Variants in DCUN1D3 observed in about 807,000 individuals in gnomAD.
DCUN1D3 encodes DCN1-like protein 3.
Under a neutral mutation model 24.8 loss-of-function variants are expected in DCUN1D3, and 6 were observed. The ratio of observed to expected loss-of-function variants is 0.24; its 90% CI spans 0.13 to 0.48. DCUN1D3 has a LOEUF of 0.48. Among genes scored for constraint, DCUN1D3 ranks in the 20% least tolerant of loss-of-function variants. The pLI is 0.99. For missense variants in DCUN1D3, 258 were observed against 379.4 expected, an observed-to-expected ratio of 0.68 and a Z score of 2.66; for synonymous variants, 120 against 144.9, an observed-to-expected ratio of 0.83 and a Z score of 1.24.
intron 1 of DCUN1D3, among the ~76,000 whole-genome samples, chr16:20,874,751 A>G (rs563388520): frequency 1.3e-5 from 2 of 152,296 alleles, no homozygotes; most frequent in South Asian, 4.1e-4. Context: ...GGAAATGCTC[A>G]TGTTTGCACA....
At chr16:20,866,462 CA>C (rs2081762725) in intron 1 of DCUN1D3, among the ~76,000 whole-genome samples, 1 of 152,134 alleles carries the variant, frequency 6.6e-6, no homozygotes, top group Admixed American at 6.5e-5. Context: ...CCCCACTGGA[CA>C]GATGCTTCAT....
chr16:20,864,821 C>T (rs2081753117), intron 1 of DCUN1D3, among the ~76,000 whole-genome samples: 1 of 152,016 alleles, frequency 6.6e-6, no homozygotes, highest in African/African-American at 2.4e-5. Flanking sequence ...TAAAAAAGAA[C>T]GAGATCATGT....
intron 1 of DCUN1D3, among the ~76,000 whole-genome samples, chr16:20,884,394 C>G (rs1281639739): frequency 6.6e-6 from 1 of 152,164 alleles, no homozygotes; most frequent in Non-Finnish European, 1.5e-5. Context: ...GGGTGAATGT[C>G]ACAACTCGGC....
In DCUN1D3 at chr16:20,855,383, T is replaced by G. The variant is rs1263230173; in HGVS notation, c.*4503A>C. 1 of 152,234 alleles carries G rather than the reference T, an allele frequency of 6.6e-6. No homozygotes were observed. Among genetic ancestry groups the G allele is most frequent in the African/African-American group, 2.4e-5 (1 of 41,430 alleles). The allele number at this position is 152,234 out of a possible 1,614,324, so 9.4% of individuals were successfully genotyped here. On this transcript the variant is annotated 3_prime_UTR_variant, in exon 3 of 3. Transcript: ENST00000324344. ...ACTTCTCCCAGAGCAAATGTATGCATGTCAGGGGGATGAAAAACCCCAGCA... is the reference window on the plus strand; with the variant it reads ...ACTTCTCCCAGAGCAAATGTATGCAGGTCAGGGGGATGAAAAACCCCAGCA...
At chr16:20,898,491 G>C (rs1240324992) in intron 1 of DCUN1D3, among the ~76,000 whole-genome samples, 1 of 152,204 alleles carries the variant, frequency 6.6e-6, no homozygotes, top group African/African-American at 2.4e-5. Flanking sequence ...TTGAATTAAT[G>C]AACTGTGAAC....
chr16:20,861,010 G>A lies in DCUN1D3; in HGVS notation c.432-641C>T, dbSNP rs1276050843. Among the ~76,000 whole-genome samples the A allele has an allele frequency of 8.5e-5, 13 of 152,274 alleles. 1 individual carries two copies. In the East Asian group the frequency reaches 2.5e-3, roughly 29 times the overall value. On this transcript the variant is annotated intron_variant, in intron 2 of 2. Coordinates refer to ENST00000324344, the MANE Select transcript of DCUN1D3 (RefSeq NM_173475.4). Reference sequence around the variant, plus strand: ...AGGTGAGGCCTCTGAGGTCTGGAGGGTAACCTTCCTGGGGTGGGGGGCATG... The same window carrying A: ...AGGTGAGGCCTCTGAGGTCTGGAGGATAACCTTCCTGGGGTGGGGGGCATG...
intron 1 of DCUN1D3, among the ~76,000 whole-genome samples, chr16:20,865,248 A>G (rs1794372694): frequency 6.7e-6 from 1 of 149,910 alleles, no homozygotes; most frequent in Admixed American, 6.6e-5. Context: ...AGAAAAACAA[A>G]AGAAGGACAG....
chr16:20,894,109 A>C (rs1416965001), intron 1 of DCUN1D3, among the ~76,000 whole-genome samples: 1 of 152,156 alleles, frequency 6.6e-6, no homozygotes, highest in Non-Finnish European at 1.5e-5. Context: ...TCTATTAAAA[A>C]TACAATAAAT....
At chr16:20,864,718 T>C (rs986514013) in intron 1 of DCUN1D3, among the ~76,000 whole-genome samples, 1 of 152,122 alleles carries the variant, frequency 6.6e-6, no homozygotes, top group African/African-American at 2.4e-5. Context: ...CTATTCACAA[T>C]AGCAAAGACA....
chr16:20,889,002 T>A (rs1401793775), intron 1 of DCUN1D3, among the ~76,000 whole-genome samples: 2 of 151,986 alleles, frequency 1.3e-5, no homozygotes, highest in Non-Finnish European at 2.9e-5. Flanking sequence ...CCAAGGTGGG[T>A]AGATCACTTG....
intron 1 of DCUN1D3, among the ~76,000 whole-genome samples, chr16:20,888,902 C>A (rs1370752102): frequency 6.6e-6 from 1 of 151,860 alleles, no homozygotes; most frequent in Non-Finnish European, 1.5e-5. Flanking sequence ...GCCTGGCCAA[C>A]ATAATGAAAC....
chr16:20,873,451 G>T (rs1005994236), intron 1 of DCUN1D3, among the ~76,000 whole-genome samples: 2 of 152,170 alleles, frequency 1.3e-5, no homozygotes, highest in South Asian at 2.1e-4. Context: ...GGAGCAAGAG[G>T]CTCATTCAAA....
chr16:20,889,224 C>A (rs1314858790), intron 1 of DCUN1D3, among the ~76,000 whole-genome samples: 80 of 109,770 alleles, frequency 7.3e-4, no homozygotes, highest in South Asian at 1.2e-3. Context: ...GACTCCATCT[C>A]AAAAAAAAAA....
intron 1 of DCUN1D3, among the ~76,000 whole-genome samples, chr16:20,891,835 C>T (rs1448334283): frequency 6.6e-6 from 1 of 152,256 alleles, no homozygotes; most frequent in African/African-American, 2.4e-5. Context: ...GTACACTGCC[C>T]AACTCCAGAG....
At chr16:20,878,175 G>A (rs1374091925) in intron 1 of DCUN1D3, among the ~76,000 whole-genome samples, 1 of 152,122 alleles carries the variant, frequency 6.6e-6, no homozygotes, top group African/African-American at 2.4e-5. Context: ...GGAAAGAGAG[G>A]AGAGGATTAT....
rs1359686641 is a variant in DCUN1D3 at position 20,855,668 on chromosome 16, C to T, written c.*4218G>A. 1 of 152,210 alleles carries T rather than the reference C, an allele frequency of 6.6e-6. No homozygotes were observed. Among genetic ancestry groups the T allele is most frequent in the Non-Finnish European group, 1.5e-5 (1 of 68,050 alleles). The allele number at this position is 152,210 out of a possible 1,614,324, so 9.4% of individuals were successfully genotyped here. On this transcript the variant is annotated 3_prime_UTR_variant, in exon 3 of 3. Transcript: ENST00000324344. ...AAAAGGGGGAAAACCCCTGCCGATC[C>T]TCACCAACATGCAGTCCCAGTCCAG...
chr16:20,863,073 T>C (rs957773519), intron 1 of DCUN1D3, among the ~76,000 whole-genome samples: 3 of 152,188 alleles, frequency 2.0e-5, no homozygotes, highest in Non-Finnish European at 4.4e-5. Context: ...TCTTTTTAAG[T>C]AGGATGAGTA....
intron 1 of DCUN1D3, among the ~76,000 whole-genome samples, chr16:20,895,160 A>C (rs2081909756): frequency 6.6e-6 from 1 of 152,236 alleles, no homozygotes; most frequent in East Asian, 1.9e-4. Context: ...CAGCAGCTCC[A>C]TCACGGCTAC....
intron 1 of DCUN1D3, among the ~76,000 whole-genome samples, chr16:20,891,909 T>C (rs1306631134): frequency 6.6e-6 from 1 of 152,072 alleles, no homozygotes; most frequent in Non-Finnish European, 1.5e-5. Flanking sequence ...GCCTGCTCCT[T>C]CCCTACCCTC....
Sources: allele counts gnomAD v4.1 joint callset (sites outside exome capture counted in the v4.1 genomes callset), GRCh38; gene constraint gnomAD v4.1.1; transcripts MANE v1.5; gene names NCBI Gene and HGNC (gene_info 2026-07-23, HGNC 2026-07-21).